GRM7: variants seen among roughly 807,000 people sequenced by gnomAD.
The protein encoded by GRM7 is glutamate metabotropic receptor 7, also known as metabotropic glutamate receptor 7.
Under a neutral mutation model 84.5 loss-of-function variants are expected in GRM7, and 35 were observed. That is an observed-to-expected ratio of 0.41 (90% CI 0.32 to 0.55). The LOEUF (loss-of-function observed/expected upper bound fraction) is 0.55. Ranked by LOEUF, GRM7 falls within the 20% of genes least tolerant of loss-of-function variation. The pLI, the probability that GRM7 is intolerant of heterozygous loss-of-function variation, is 0.19. For synonymous variants in GRM7, 487 were observed against 455.1 expected (o/e 1.07, Z -0.89); for missense variants, 1,003 against 1,194.6 (o/e 0.84, Z 2.36).
At position 7,461,613 on chromosome 3, in the gene GRM7, A is replaced by G. The variant is rs568892048; in HGVS notation, c.1406A>G (p.Lys469Arg). The G allele has an allele frequency of 6.2e-7, 1 of 1,613,146 alleles. No individual in the cohort carries two copies. The highest frequency in any genetic ancestry group is 1.7e-5 in the Admixed American group (1 of 60,016). ...GCTGGCACTCCAGTGATGTTTAACA[A>G]GAACGGGGATGCACCTGGGCGTTAT... ...GSAGTPVMFN[K>R]NGDAPGRYDI... Residue 469 changes from lysine (K) to arginine (R), a missense_variant, in exon 7 of 10, where the codon AAG becomes AGG. Transcript: ENST00000357716.
At chr3:7,621,113 A>G (rs1254423974) in intron 8 of GRM7, among the ~76,000 whole-genome samples, 1 of 152,108 alleles carries the variant, frequency 6.6e-6, no homozygotes, top group Non-Finnish European at 1.5e-5. Flanking sequence ...TGTCTCCCTG[A>G]TTGAACATAA....
rs144994798 is a variant in GRM7 at position 7,310,048 on chromosome 3, A to G, written c.1033+3396A>G. Among the ~76,000 whole-genome samples the G allele has an allele frequency of 2.2e-3, 341 of 152,282 alleles. 1 individual carries two copies. Among genetic ancestry groups the G allele is most frequent in the African/African-American group, 7.7e-3 (321 of 41,572 alleles). On this transcript the variant is annotated intron_variant, in intron 4 of 9. Coordinates refer to ENST00000357716, the MANE Select transcript of GRM7 (RefSeq NM_000844.4). The stretch of plus-strand genomic sequence containing the variant: ...GCAGCCTCCAAGGAATCTGCAGAGT[A>G]CTAATGGCCTACGTTGCCTTCAACT...
At chr3:7,055,050 G>GTATCAA (rs1243044527) in intron 1 of GRM7, among the ~76,000 whole-genome samples, 1 of 151,882 alleles carries the variant, frequency 6.6e-6, no homozygotes, top group African/African-American at 2.4e-5. Flanking sequence ...ATTGGTTTTT[G>GTATCAA]TATCAATCTT....
chr3:7,646,207 T>A (rs1184732704), intron 8 of GRM7, among the ~76,000 whole-genome samples: 3 of 152,176 alleles, frequency 2.0e-5, no homozygotes, highest in Non-Finnish European at 4.4e-5. Flanking sequence ...ATTATTATTA[T>A]TTGAGATGGA....
intron 4 of GRM7, among the ~76,000 whole-genome samples, chr3:7,308,829 C>A (rs1700290265): frequency 6.6e-6 from 1 of 152,040 alleles, no homozygotes; most frequent in South Asian, 2.1e-4. Context: ...GGCCATTAAC[C>A]CCTGATGCCT....
intron 1 of GRM7, among the ~76,000 whole-genome samples, chr3:6,965,231 C>G (rs114448159): frequency 1.9e-3 from 296 of 152,302 alleles, no homozygotes; most frequent in African/African-American, 6.9e-3. Context: ...AAAAGTTGTT[C>G]AAGAACAATC....
intron 2 of GRM7, among the ~76,000 whole-genome samples, chr3:7,158,619 G>A (rs1307623194): frequency 1.3e-5 from 2 of 152,136 alleles, no homozygotes; most frequent in Non-Finnish European, 2.9e-5. Flanking sequence ...TAAAAATAGG[G>A]AAGATGAACT....
intron 1 of GRM7, chr3:6,893,952 T>C (rs1696070278): frequency 6.6e-6 from 1 of 152,192 alleles, no homozygotes; most frequent in South Asian, 2.1e-4. Flanking sequence ...TTCTATTAAA[T>C]TGTTCATTCT....
At chr3:7,320,314 C>A (rs1347695346) in intron 4 of GRM7, among the ~76,000 whole-genome samples, 1 of 151,878 alleles carries the variant, frequency 6.6e-6, no homozygotes, top group Non-Finnish European at 1.5e-5. Flanking sequence ...GACACACAAG[C>A]CTTTAGCGAT....
intron 8 of GRM7, among the ~76,000 whole-genome samples, chr3:7,676,969 T>C (rs954674539): frequency 1.3e-5 from 2 of 151,926 alleles, no homozygotes; most frequent in African/African-American, 4.8e-5. Flanking sequence ...ACTGTACTTA[T>C]TAAAAAATAA....
At position 7,305,330 on chromosome 3, in the gene GRM7, C is replaced by CTTT. The variant is rs796779715; in HGVS notation, c.879-1158_879-1156dup. Reference sequence around the variant, plus strand: ...TCAGAACCTATTTCCTATGCTGCTGCTTTTTTTTTTTTCTTTTTTTTTTTT... The same window carrying CTTT: ...TCAGAACCTATTTCCTATGCTGCTGCTTTTTTTTTTTTTTTCTTTTTTTTTTTT... On this transcript the variant is annotated intron_variant, in intron 3 of 9. Transcript: ENST00000357716. Among the ~76,000 whole-genome samples the CTTT allele has an allele frequency of 8.4e-3, 734 of 86,922 alleles. 40 individuals carry two copies. Among genetic ancestry groups the CTTT allele is most frequent in the South Asian group, 0.016 (45 of 2,806 alleles). 57.0% of individuals were successfully genotyped at this position (86,922 alleles called of 152,430 possible).
chr3:7,357,011 AATAT>A (rs1429581329), intron 4 of GRM7, among the ~76,000 whole-genome samples: 9 of 149,348 alleles, frequency 6.0e-5, no homozygotes, highest in African/African-American at 2.2e-4. Flanking sequence ...TATATCATAT[AATAT>A]ATATTTGATA....
intron 7 of GRM7, among the ~76,000 whole-genome samples, chr3:7,558,117 C>T (rs1276996811): frequency 6.6e-6 from 1 of 151,686 alleles, no homozygotes. Context: ...AGCTAATTTT[C>T]CATGATATAT....
intron 8 of GRM7, among the ~76,000 whole-genome samples, chr3:7,631,308 G>A (rs775488844): frequency 2.0e-5 from 3 of 152,132 alleles, no homozygotes; most frequent in Non-Finnish European, 2.9e-5. Flanking sequence ...TTGGTGCCTC[G>A]GGTAGAAGTA....
chr3:7,605,682 T>C (rs1696527555), intron 8 of GRM7, among the ~76,000 whole-genome samples: 1 of 150,998 alleles, frequency 6.6e-6, no homozygotes, highest in Non-Finnish European at 1.5e-5. Context: ...TGAAATCTAT[T>C]GGCCTAAAAA....
At chr3:7,054,331 C>A (rs566930337) in intron 1 of GRM7, among the ~76,000 whole-genome samples, 4 of 148,026 alleles carry the variant, frequency 2.7e-5, no homozygotes, top group South Asian at 4.3e-4. Context: ...TATATGACAT[C>A]TAATATATGA....
intron 4 of GRM7, among the ~76,000 whole-genome samples, chr3:7,364,303 AT>A: frequency 6.6e-6 from 1 of 151,824 alleles, no homozygotes; most frequent in South Asian, 2.1e-4. Context: ...CTTAAATTTG[AT>A]TTTGTTTTAT....
At chr3:7,593,808 G>A (rs1480786718) in intron 8 of GRM7, among the ~76,000 whole-genome samples, 3 of 152,062 alleles carry the variant, frequency 2.0e-5, no homozygotes, top group Non-Finnish European at 2.9e-5. Flanking sequence ...GTTTTAGAAC[G>A]ACCACTTGGA....
intron 1 of GRM7, among the ~76,000 whole-genome samples, chr3:7,059,134 T>C (rs1250765529): frequency 2.6e-5 from 4 of 151,798 alleles, no homozygotes; most frequent in Non-Finnish European, 4.4e-5. Context: ...GGGAGGAAAG[T>C]CTTTGAAGAG....
Sources: allele counts gnomAD v4.1 joint callset (sites outside exome capture counted in the v4.1 genomes callset), GRCh38; gene constraint gnomAD v4.1.1; transcripts MANE v1.5; gene names NCBI Gene and HGNC (gene_info 2026-07-23, HGNC 2026-07-21).